The following ROBO1 variants were observed in gnomAD, a reference collection of about 807,000 sequenced individuals.
The protein encoded by ROBO1 is roundabout homolog 1.
ROBO1 carries 149 observed loss-of-function variants against 195.9 expected under a neutral mutation model. The observed-to-expected ratio is 0.76, with a 90% CI of 0.67 to 0.87. The LOEUF (loss-of-function observed/expected upper bound fraction) is 0.87. Ranked by LOEUF, ROBO1 falls within the 40% of genes least tolerant of loss-of-function variation. The pLI, the probability that ROBO1 is intolerant of heterozygous loss-of-function variation, is 0.00. For synonymous variants in ROBO1, 816 were observed against 733.2 expected (o/e 1.11, Z -1.82); for missense variants, 1,933 against 2,068.3 (o/e 0.93, Z 1.27).
intron 1 of ROBO1, among the ~76,000 whole-genome samples, chr3:79,666,404 A>G (rs906848267): frequency 6.6e-6 from 1 of 151,800 alleles, no homozygotes; most frequent in Non-Finnish European, 1.5e-5. Flanking sequence ...TCAGGCTTTT[A>G]TTTTATCTTT....
intron 28 of ROBO1, among the ~76,000 whole-genome samples, chr3:78,612,974 A>T (rs867136861): frequency 6.6e-6 from 1 of 152,170 alleles, no homozygotes; most frequent in South Asian, 2.1e-4. Flanking sequence ...ATCATCATTC[A>T]ATTTAATAGT....
intron 2 of ROBO1, among the ~76,000 whole-genome samples, chr3:79,372,888 AT>A (rs201344014): frequency 0.059 from 8,757 of 147,606 alleles, 322 homozygotes; most frequent in African/African-American, 0.11. Context: ...AAAAACTAGT[AT>A]TTTTTTTTTT....
chr3:79,714,350 C>G (rs1227630228), intron 1 of ROBO1, among the ~76,000 whole-genome samples: 2 of 152,148 alleles, frequency 1.3e-5, no homozygotes, highest in East Asian at 3.9e-4. Flanking sequence ...CAGGAAACAA[C>G]AGATGCTGGA....
chr3:79,300,127 G>T (rs959547013), intron 2 of ROBO1, among the ~76,000 whole-genome samples: 4 of 152,228 alleles, frequency 2.6e-5, no homozygotes, highest in Non-Finnish European at 5.9e-5. Context: ...CGGCACTTGA[G>T]GAGCCCCTCA....
chr3:78,949,734 A>G lies in ROBO1; in HGVS notation c.173-10807T>C, dbSNP rs930785010. 1.6e-4 allele frequency among the ~76,000 whole-genome samples: 25 copies of G among 152,032 alleles called. 1 individual carries two copies. Among genetic ancestry groups the G allele is most frequent in the Non-Finnish European group, 2.6e-4 (18 of 68,010 alleles). ...TCAGAGTGAACAGGCAACCTACAGAATGGGAGAAAATTTTCGCAACCTACT... is the reference window on the plus strand; with the variant it reads ...TCAGAGTGAACAGGCAACCTACAGAGTGGGAGAAAATTTTCGCAACCTACT... On this transcript the variant is annotated intron_variant, in intron 3 of 30. Coordinates refer to ENST00000464233, the MANE Select transcript of ROBO1 (RefSeq NM_002941.4).
intron 2 of ROBO1, among the ~76,000 whole-genome samples, chr3:79,300,810 T>A (rs962885710): frequency 6.6e-6 from 1 of 152,088 alleles, no homozygotes; most frequent in Non-Finnish European, 1.5e-5. Context: ...TCAGGGTTTG[T>A]GAATGCACCA....
chr3:79,314,363 G>A (rs915866597), intron 2 of ROBO1, among the ~76,000 whole-genome samples: 19 of 152,096 alleles, frequency 1.2e-4, no homozygotes, highest in Admixed American at 3.3e-4. Context: ...TGAATCATGT[G>A]GGAGGTTACC....
intron 1 of ROBO1, among the ~76,000 whole-genome samples, chr3:79,760,984 G>A (rs1704668824): frequency 6.7e-6 from 1 of 150,094 alleles, no homozygotes. Context: ...GTTATAGTAA[G>A]AAAAATACCT....
intron 1 of ROBO1, among the ~76,000 whole-genome samples, chr3:79,590,593 C>CA (rs1444213584): frequency 2.0e-5 from 3 of 151,562 alleles, no homozygotes; most frequent in African/African-American, 7.3e-5. Context: ...CACAAAGCTA[C>CA]AAAAATATAT....
chr3:79,496,060 A>C (rs1053171662), intron 2 of ROBO1, among the ~76,000 whole-genome samples: 1 of 151,758 alleles, frequency 6.6e-6, no homozygotes, highest in Non-Finnish European at 1.5e-5. Flanking sequence ...TAAAAATACA[A>C]ATATTAGCCA....
chr3:79,756,255 G>T (rs1025508962), intron 1 of ROBO1, among the ~76,000 whole-genome samples: 2 of 151,978 alleles, frequency 1.3e-5, no homozygotes, highest in African/African-American at 4.8e-5. Context: ...CGCCTCATTA[G>T]AAGTACACAT....
At chr3:78,874,683 T>C (rs999360879) in intron 4 of ROBO1, among the ~76,000 whole-genome samples, 9 of 151,852 alleles carry the variant, frequency 5.9e-5, no homozygotes, top group Non-Finnish European at 1.2e-4. Context: ...AATTTTAAAA[T>C]ATAAAAAATT....
At chr3:79,541,922 T>TTA (rs2107644155) in intron 2 of ROBO1, among the ~76,000 whole-genome samples, 1 of 151,282 alleles carries the variant, frequency 6.6e-6, no homozygotes, top group African/African-American at 2.4e-5. Flanking sequence ...TGTAAGATCA[T>TTA]TATATATATA....
intron 2 of ROBO1, among the ~76,000 whole-genome samples, chr3:79,375,817 A>G (rs1438917762): frequency 6.6e-6 from 1 of 152,252 alleles, no homozygotes; most frequent in East Asian, 1.9e-4. Context: ...ACACGCTACC[A>G]GAAAATGATA....
chr3:78,999,491 T>C (rs1454028094), intron 3 of ROBO1, among the ~76,000 whole-genome samples: 1 of 151,886 alleles, frequency 6.6e-6, no homozygotes, highest in Admixed American at 6.6e-5. Flanking sequence ...GAGCTAAAAT[T>C]TGGGTACTCA....
chr3:78,909,818 A>G (rs772147715), intron 4 of ROBO1, among the ~76,000 whole-genome samples: 2 of 151,798 alleles, frequency 1.3e-5, no homozygotes, highest in Non-Finnish European at 3.0e-5. Flanking sequence ...ACAGTTATTT[A>G]ATTTTATGAT....
At chr3:79,621,236 T>C (rs1282125085) in intron 1 of ROBO1, among the ~76,000 whole-genome samples, 6 of 152,150 alleles carry the variant, frequency 3.9e-5, no homozygotes, top group Admixed American at 3.3e-4. Context: ...TTTCTTTCCT[T>C]GTGAGCCCTG....
intron 2 of ROBO1, among the ~76,000 whole-genome samples, chr3:79,197,243 G>C (rs182504847): frequency 7.3e-4 from 111 of 151,900 alleles, no homozygotes; most frequent in Non-Finnish European, 4.3e-4. Context: ...CTGTGTCCAT[G>C]TGTTCTCATT....
At chr3:79,254,066 C>T (rs1054720957) in intron 2 of ROBO1, among the ~76,000 whole-genome samples, 30 of 152,180 alleles carry the variant, frequency 2.0e-4, no homozygotes, top group Middle Eastern at 3.4e-3. Flanking sequence ...GAAATGCTTT[C>T]CTTAACTCTA....
Sources: allele counts gnomAD v4.1 joint callset (sites outside exome capture counted in the v4.1 genomes callset), GRCh38; gene constraint gnomAD v4.1.1; transcripts MANE v1.5; gene names NCBI Gene and HGNC (gene_info 2026-07-23, HGNC 2026-07-21).